ESCO1: variants seen among roughly 807,000 people sequenced by gnomAD.
The protein encoded by ESCO1 is N-acetyltransferase ESCO1.
In ESCO1, 33 loss-of-function variants were observed where a neutral mutation model predicts 83.5. That is an observed-to-expected ratio of 0.40 (90% CI 0.30 to 0.53). The LOEUF (loss-of-function observed/expected upper bound fraction) is 0.53, where lower values mean the gene tolerates loss of function less well. Among genes scored for constraint, ESCO1 ranks in the 20% least tolerant of loss-of-function variants. ESCO1 has a pLI of 0.63. For synonymous variants in ESCO1, 332 were observed against 324.3 expected (o/e 1.02, Z -0.25); for missense variants, 855 against 968.0 (o/e 0.88, Z 1.55).
chr18:21,553,792 G>A (rs2146190806), intron 8 of ESCO1, among the ~76,000 whole-genome samples: 1 of 151,144 alleles, frequency 6.6e-6, no homozygotes, highest in South Asian at 2.1e-4. Context: ...GAGAGGTGGA[G>A]GTTGCAGTGA....
intron 1 of ESCO1, among the ~76,000 whole-genome samples, chr18:21,599,798 C>T (rs973927410): frequency 1.3e-5 from 2 of 152,154 alleles, no homozygotes; most frequent in Admixed American, 1.3e-4. Context: ...CATTGAGAGG[C>T]GGAGGGAGAG....
Position 21,536,197 on chromosome 18 carries a change from A to G in ESCO1, c.2044-12T>C, listed in dbSNP as rs1445943688. The G allele has an allele frequency of 6.2e-7, 1 of 1,604,440 alleles. No individual in the cohort carries two copies. The highest frequency in any genetic ancestry group is 1.7e-5 in the Admixed American group (1 of 57,682). ...CTAATCTCGTCAACCTGCCAAATAA[A>G]GAACAGTAATTATTTTTAAATGAAA... On this transcript the variant is annotated splice_polypyrimidine_tract_variant and intron_variant, in intron 9 of 11. Coordinates refer to ENST00000269214, the MANE Select transcript of ESCO1 (RefSeq NM_052911.3).
chr18:21,595,018 T>C (rs1389989944), intron 1 of ESCO1, among the ~76,000 whole-genome samples: 2 of 151,568 alleles, frequency 1.3e-5, no homozygotes, highest in Admixed American at 1.3e-4. Flanking sequence ...GTCTGGCTAG[T>C]GTTTTTTTTG....
At chr18:21,591,188 C>T (rs1217355255) in intron 1 of ESCO1, among the ~76,000 whole-genome samples, 1 of 152,080 alleles carries the variant, frequency 6.6e-6, no homozygotes, top group South Asian at 2.1e-4. Flanking sequence ...AACAAATATC[C>T]TTGTAAGAGA....
Position 21,561,603 on chromosome 18 carries a change from T to C in ESCO1, c.1822-613A>G, listed in dbSNP as rs569322833. On this transcript the variant is annotated intron_variant, in intron 7 of 11. Coordinates refer to ENST00000269214, the MANE Select transcript of ESCO1 (RefSeq NM_052911.3). Reference sequence around the variant, plus strand: ...CATTGCACTGGACTAATTCTTTGTATTTTTAGTAAAGATGGGGTTTCACCA... The same window carrying C: ...CATTGCACTGGACTAATTCTTTGTACTTTTAGTAAAGATGGGGTTTCACCA... Among the ~76,000 whole-genome samples, 28 of 152,284 alleles carry C rather than the reference T, an allele frequency of 1.8e-4. 1 individual carries two copies. Among genetic ancestry groups the C allele is most frequent in the Admixed American group, 8.5e-4 (13 of 15,282 alleles).
Position 21,539,524 on chromosome 18 carries a change from T to C in ESCO1, c.2043+396A>G, listed in dbSNP as rs115094106. Among the ~76,000 whole-genome samples, 1,155 of 152,322 alleles carry C rather than the reference T, an allele frequency of 7.6e-3. 16 individuals are homozygous for C. Among genetic ancestry groups the C allele is most frequent in the African/African-American group, 0.026 (1,091 of 41,572 alleles). ...TGTTTTCAGAATAGGTGTTTCAATA[T>C]ACTATGCCAGCAATCTGTTATCCTC... On this transcript the variant is annotated intron_variant, in intron 9 of 11. Transcript: ENST00000269214.
At chr18:21,532,927 G>A (rs1276916031) in intron 10 of ESCO1, among the ~76,000 whole-genome samples, 3 of 152,126 alleles carry the variant, frequency 2.0e-5, no homozygotes, top group Non-Finnish European at 4.4e-5. Context: ...CATTTTGAGA[G>A]ATTAAACCAA....
At chr18:21,585,752 C>G (rs2038566565) in intron 1 of ESCO1, among the ~76,000 whole-genome samples, 1 of 152,090 alleles carries the variant, frequency 6.6e-6, no homozygotes, top group Admixed American at 6.6e-5. Flanking sequence ...GCCACCTTAC[C>G]TGGCTAATTT....
intron 9 of ESCO1, among the ~76,000 whole-genome samples, chr18:21,536,651 C>A (rs947484047): frequency 4.0e-5 from 6 of 150,782 alleles, no homozygotes; most frequent in Non-Finnish European, 8.8e-5. Flanking sequence ...TGTTTTTTAA[C>A]CCCTTTGGAA....
intron 6 of ESCO1, among the ~76,000 whole-genome samples, chr18:21,565,805 G>A (rs2038251948): frequency 6.6e-6 from 1 of 152,074 alleles, no homozygotes; most frequent in Non-Finnish European, 1.5e-5. Context: ...TCCAGGTATG[G>A]TGCCACACTA....
At chr18:21,539,488 C>T (rs147759036) in intron 9 of ESCO1, among the ~76,000 whole-genome samples, 68 of 152,256 alleles carry the variant, frequency 4.5e-4, no homozygotes, top group African/African-American at 1.6e-3. Context: ...ACCCTTTAAA[C>T]GCTTATTTCT....
intron 4 of ESCO1, among the ~76,000 whole-genome samples, chr18:21,570,703 G>A (rs1441393535): frequency 6.6e-6 from 1 of 151,800 alleles, no homozygotes; most frequent in Non-Finnish European, 1.5e-5. Flanking sequence ...CTTCGGCCAG[G>A]CGTGGTGGCT....
chr18:21,538,270 G>A (rs1034917427), intron 9 of ESCO1, among the ~76,000 whole-genome samples: 4 of 147,550 alleles, frequency 2.7e-5, no homozygotes, highest in African/African-American at 7.5e-5. Flanking sequence ...TGGGCAACAC[G>A]GTGAGACCCT....
chr18:21,540,763 A>C (rs2037896287), intron 8 of ESCO1: 1 of 1,171,732 alleles, frequency 8.5e-7, no homozygotes. Context: ...ACTGAACCAG[A>C]GGTTAAAACT....
intron 8 of ESCO1, among the ~76,000 whole-genome samples, chr18:21,541,306 A>C (rs2037902877): frequency 6.6e-6 from 1 of 152,174 alleles, no homozygotes; most frequent in South Asian, 2.1e-4. Flanking sequence ...AAGGTTTTAA[A>C]AAAGAAACTT....
intron 11 of ESCO1, 64 bp from the exon 12 acceptor site, chr18:21,530,554 A>C: frequency 4.2e-6 from 6 of 1,438,578 alleles, no homozygotes; most frequent in Non-Finnish European, 5.6e-6. Flanking sequence ...AAAAAATTCT[A>C]ATCATTAAAA....
At chr18:21,551,568 A>C (rs1328808411) in intron 8 of ESCO1, among the ~76,000 whole-genome samples, 5 of 152,264 alleles carry the variant, frequency 3.3e-5, no homozygotes, top group Non-Finnish European at 1.5e-5. Context: ...ATGAGTGAAC[A>C]AGCAAGCCTG....
intron 5 of ESCO1, among the ~76,000 whole-genome samples, chr18:21,566,817 G>A (rs545865077): frequency 3.4e-5 from 5 of 148,722 alleles, no homozygotes; most frequent in East Asian, 4.0e-4. Flanking sequence ...CTGAGATCGC[G>A]CCACTGCACC....
intron 6 of ESCO1, among the ~76,000 whole-genome samples, chr18:21,564,731 T>G (rs918091933): frequency 2.0e-5 from 3 of 151,958 alleles, no homozygotes; most frequent in Admixed American, 2.0e-4. Flanking sequence ...CTGATAAATT[T>G]CAGCTTCAAG....
Sources: gnomAD v4.1 joint callset for allele counts (sites outside exome capture counted in the v4.1 genomes callset) on GRCh38, gnomAD v4.1.1 for gene constraint, MANE v1.5 for transcripts, NCBI Gene and HGNC (gene_info 2026-07-23, HGNC 2026-07-21) for gene names.